The following SEMA6D variants were observed in gnomAD, a reference collection of about 807,000 sequenced individuals.
SEMA6D encodes semaphorin-6D.
SEMA6D carries 35 observed loss-of-function variants against 106.6 expected under a neutral mutation model. The observed-to-expected ratio is 0.33, with a 90% CI of 0.25 to 0.44. The LOEUF is 0.44. Among genes scored for constraint, SEMA6D ranks in the 20% least tolerant of loss-of-function variants. The probability of loss-of-function intolerance (pLI) is 1.00; values close to 1 mark genes in which losing one functional copy is unlikely to be tolerated. For missense variants in SEMA6D, 1,185 were observed against 1,345.9 expected, an observed-to-expected ratio of 0.88 and a Z score of 1.87; for synonymous variants, 499 against 487.7, an observed-to-expected ratio of 1.02 and a Z score of -0.31.
Position 47,766,654 on chromosome 15 carries a change from C to T in SEMA6D, c.1685C>T (p.Thr562Ile). The change falls in exon 16 of 19, where the codon ACA (threonine) becomes ATA (isoleucine). Residue 562 changes from threonine (T) to isoleucine (I), a missense_variant. Thr to Ile is a moderately conservative substitution (Grantham distance 89). This residue lies in a region of SEMA6D where 750 missense variants were observed against 783.5 expected (regional missense o/e 0.96). Transcript: ENST00000536845. ...GAACAAGACACAGAATTCGGCAACACAGCTCATCTAGGGGACTGCCATGGT... is the reference window on the plus strand; with the variant it reads ...GAACAAGACACAGAATTCGGCAACATAGCTCATCTAGGGGACTGCCATGGT... Reference protein sequence around the residue: ...GYEQDTEFGNTAHLGDCHEIL... With the variant: ...GYEQDTEFGNIAHLGDCHEIL... 4 of 1,612,040 alleles carry T rather than the reference C, an allele frequency of 2.5e-6. No individual in the cohort carries two copies. The highest frequency in any genetic ancestry group is 3.4e-6 in the Non-Finnish European group (4 of 1,178,462).
At chr15:47,438,635 A>T (rs1253822673) in intron 2 of SEMA6D, among the ~76,000 whole-genome samples, 1 of 151,510 alleles carries the variant, frequency 6.6e-6, no homozygotes, top group Non-Finnish European at 1.5e-5. Context: ...CCTTCTGGTT[A>T]TGTTCTTTCC....
chr15:47,595,656 T>C (rs545553049), intron 3 of SEMA6D, among the ~76,000 whole-genome samples: 33 of 152,196 alleles, frequency 2.2e-4, no homozygotes, highest in African/African-American at 7.7e-4. Flanking sequence ...TTGAGAAAAA[T>C]TGGTATTAGT....
chr15:47,320,885 T>A (rs567588759), intron 1 of SEMA6D, among the ~76,000 whole-genome samples: 13 of 152,010 alleles, frequency 8.6e-5, no homozygotes, highest in African/African-American at 3.1e-4. Flanking sequence ...TCCTTGAGAG[T>A]AGAGAGAGTA....
At chr15:47,652,523 A>G (rs2077711635) in intron 4 of SEMA6D, among the ~76,000 whole-genome samples, 1 of 152,036 alleles carries the variant, frequency 6.6e-6, no homozygotes, top group Non-Finnish European at 1.5e-5. Flanking sequence ...ATTTCCCGAG[A>G]GTGTTAAAAA....
intron 1 of SEMA6D, among the ~76,000 whole-genome samples, chr15:47,265,753 C>T (rs1467058473): frequency 6.6e-6 from 1 of 151,964 alleles, no homozygotes; most frequent in Admixed American, 6.6e-5. Flanking sequence ...CCGATTTCCC[C>T]CACTGTGGGG....
chr15:47,709,312 A>G (rs982572225), intron 4 of SEMA6D, among the ~76,000 whole-genome samples: 10 of 152,128 alleles, frequency 6.6e-5, no homozygotes, highest in African/African-American at 2.4e-4. Context: ...GCCCCAGAGT[A>G]ACTGGCCCCT....
intron 1 of SEMA6D, among the ~76,000 whole-genome samples, chr15:47,372,240 T>C (rs1370314045): frequency 6.6e-6 from 1 of 152,156 alleles, no homozygotes; most frequent in Non-Finnish European, 1.5e-5. Context: ...ACTGCTAGAA[T>C]CAAATTCAGA....
intron 9 of SEMA6D, among the ~76,000 whole-genome samples, chr15:47,763,629 T>G (rs1306565392): frequency 6.6e-6 from 1 of 152,212 alleles, no homozygotes; most frequent in African/African-American, 2.4e-5. Flanking sequence ...AGCTCACTTC[T>G]TGGGAAGGAT....
chr15:47,572,699 A>G (rs559637958), intron 3 of SEMA6D, among the ~76,000 whole-genome samples: 3 of 152,360 alleles, frequency 2.0e-5, no homozygotes, highest in African/African-American at 7.2e-5. Flanking sequence ...TTCCAATACA[A>G]GAAAAATACA....
chr15:47,589,378 C>T (rs769715401), intron 3 of SEMA6D, among the ~76,000 whole-genome samples: 5 of 152,262 alleles, frequency 3.3e-5, no homozygotes, highest in Non-Finnish European at 7.3e-5. Flanking sequence ...CAGTCTGGCT[C>T]CAACTCTGGC....
chr15:47,749,936 A>G (rs531605303), intron 1 of SEMA6D, among the ~76,000 whole-genome samples: 1 of 152,296 alleles, frequency 6.6e-6, no homozygotes, highest in East Asian at 1.9e-4. Context: ...GTGCAGTTTG[A>G]AGATCTGATG....
At chr15:47,596,594 A>G (rs894366400) in intron 3 of SEMA6D, among the ~76,000 whole-genome samples, 2 of 152,134 alleles carry the variant, frequency 1.3e-5, no homozygotes, top group East Asian at 1.9e-4. Flanking sequence ...ACATCAACCA[A>G]TAGAACAGAA....
chr15:47,303,942 C>G (rs940769552), intron 1 of SEMA6D, among the ~76,000 whole-genome samples: 2 of 152,138 alleles, frequency 1.3e-5, no homozygotes, highest in Non-Finnish European at 2.9e-5. Flanking sequence ...AGATCTGCCT[C>G]TCACCCCTTC....
chr15:47,700,154 A>G (rs990206528), intron 4 of SEMA6D, among the ~76,000 whole-genome samples: 9 of 152,222 alleles, frequency 5.9e-5, no homozygotes, highest in African/African-American at 1.9e-4. Flanking sequence ...ATGAAAGGAT[A>G]TTCAATGTTC....
chr15:47,484,597 A>G (rs991590549), intron 3 of SEMA6D, among the ~76,000 whole-genome samples: 1 of 152,140 alleles, frequency 6.6e-6, no homozygotes, highest in African/African-American at 2.4e-5. Flanking sequence ...AGATATTATT[A>G]CCAGTTAGTT....
At chr15:47,285,690 C>T (rs1390370776) in intron 1 of SEMA6D, among the ~76,000 whole-genome samples, 3 of 152,188 alleles carry the variant, frequency 2.0e-5, no homozygotes, top group African/African-American at 7.2e-5. Flanking sequence ...ACGTCACTTA[C>T]TGTGAGGAAT....
intron 1 of SEMA6D, among the ~76,000 whole-genome samples, chr15:47,205,776 AAGTT>A (rs1419251933): frequency 1.3e-5 from 2 of 152,188 alleles, no homozygotes; most frequent in African/African-American, 4.8e-5. Context: ...TAATAGCAAA[AAGTT>A]AGAGATACAA....
intron 4 of SEMA6D, among the ~76,000 whole-genome samples, chr15:47,672,718 T>C (rs2078161982): frequency 6.6e-6 from 1 of 152,164 alleles, no homozygotes; most frequent in South Asian, 2.1e-4. Flanking sequence ...TAATGGTAAT[T>C]ATATAGCATC....
Position 47,252,089 on chromosome 15 carries a change from G to C in SEMA6D, c.-239+67671G>C, listed in dbSNP as rs970716742. ...CGCTACCACGCCCGGCTAATTTTTT[G>C]TATTTTTTTAGTAGAGACGGGGTTT... On this transcript the variant is annotated intron_variant, in intron 1 of 19. Transcript: ENST00000558014. Among the ~76,000 whole-genome samples, 35 of 146,426 alleles carry C rather than the reference G, an allele frequency of 2.4e-4. 1 individual carries two copies. Among genetic ancestry groups the C allele is most frequent in the African/African-American group, 7.7e-4 (30 of 38,984 alleles).
Sources: gnomAD v4.1 joint callset for allele counts (sites outside exome capture counted in the v4.1 genomes callset) on GRCh38, gnomAD v4.1.1 for gene constraint, gnomAD v4.1.1 regional missense constraint, MANE v1.5 for transcripts, NCBI Gene and HGNC (gene_info 2026-07-23, HGNC 2026-07-21) for gene names.